STRBP: variants seen among roughly 807,000 people sequenced by gnomAD.
STRBP encodes the protein spermatid perinuclear RNA-binding protein.
STRBP carries 13 observed loss-of-function variants against 80.1 expected under a neutral mutation model. The observed-to-expected ratio is 0.16, with a 90% CI of 0.11 to 0.26. STRBP has a LOEUF of 0.26. Among genes scored for constraint, STRBP ranks in the 10% least tolerant of loss-of-function variants. STRBP has a pLI of 1.00. For synonymous variants in STRBP, 284 were observed against 291.2 expected (o/e 0.98, Z 0.25); for missense variants, 485 against 815.2 (o/e 0.59, Z 4.93).
At chr9:123,217,196 T>A (rs766656543) in intron 2 of STRBP, among the ~76,000 whole-genome samples, 4 of 152,202 alleles carry the variant, frequency 2.6e-5, no homozygotes, top group African/African-American at 9.6e-5. Flanking sequence ...GAGTTACTGA[T>A]ACTATCTTGT....
chr9:123,198,048 G>C (rs1360886762), intron 2 of STRBP, among the ~76,000 whole-genome samples: 1 of 151,988 alleles, frequency 6.6e-6, no homozygotes, highest in Non-Finnish European at 1.5e-5. Context: ...CATTTCCCTG[G>C]TGATTAGTGA....
At chr9:123,245,034 G>A (rs1223514190) in intron 1 of STRBP, among the ~76,000 whole-genome samples, 1 of 152,166 alleles carries the variant, frequency 6.6e-6, no homozygotes, top group Non-Finnish European at 1.5e-5. Context: ...ATTAGCCTGA[G>A]TGAAAAAGCC....
At chr9:123,222,077 AAAG>A (rs750403815) in intron 2 of STRBP, among the ~76,000 whole-genome samples, 23 of 152,104 alleles carry the variant, frequency 1.5e-4, no homozygotes, top group South Asian at 4.1e-4. Context: ...AATCTTCTGC[AAAG>A]AAGATTTCGC....
At chr9:123,211,001 A>G (rs12005528) in intron 2 of STRBP, among the ~76,000 whole-genome samples, 2,160 of 152,314 alleles carry the variant, frequency 0.014, 53 homozygotes, top group African/African-American at 0.049. Context: ...CCACAAATTG[A>G]AGTCCCATAA....
rs558358605 is a variant in STRBP at position 123,152,239 on chromosome 9, T to C, written c.1046-4369A>G. 1.5e-4 allele frequency among the ~76,000 whole-genome samples: 23 copies of C among 152,226 alleles called. 1 individual carries two copies. The highest frequency in any genetic ancestry group is 6.8e-3 in the Middle Eastern group (2 of 294). ...TAAAGAAAAACTAACATCAAATTTA[T>C]GCAAACTTTTCCAAACAATAGAAAA... On this transcript the variant is annotated intron_variant, in intron 11 of 18. Transcript: ENST00000348403.
intron 18 of STRBP, among the ~76,000 whole-genome samples, chr9:123,125,991 T>C (rs1588444118): frequency 1.3e-5 from 2 of 152,302 alleles, no homozygotes; most frequent in East Asian, 3.9e-4. Context: ...ACTGTAGAAA[T>C]CCATATTGGT....
At chr9:123,231,068 G>A (rs558283630) in intron 2 of STRBP, among the ~76,000 whole-genome samples, 1 of 152,278 alleles carries the variant, frequency 6.6e-6, no homozygotes, top group South Asian at 2.1e-4. Flanking sequence ...AAAATGCACA[G>A]GGAGCTTTTT....
intron 2 of STRBP, among the ~76,000 whole-genome samples, chr9:123,208,537 G>A (rs1588103981): frequency 6.6e-6 from 1 of 152,098 alleles, no homozygotes; most frequent in Non-Finnish European, 1.5e-5. Flanking sequence ...AGACTGGTGG[G>A]CCACACAGTC....
chr9:123,186,031 C>A (rs374211626), intron 2 of STRBP, among the ~76,000 whole-genome samples: 61 of 110,756 alleles, frequency 5.5e-4, no homozygotes, highest in African/African-American at 7.3e-4. Flanking sequence ...GACTCCGTCT[C>A]AAAAAAAAAA....
intron 12 of STRBP, 89 bp downstream of exon 12, chr9:123,147,677 CAAAAAAAAAAAA>C: frequency 2.7e-6 from 1 of 369,042 alleles, no homozygotes; most frequent in Non-Finnish European, 4.1e-6. Flanking sequence ...GAACCGATCT[CAAAAAAAAAAAA>C]AAAAAAAAAA....
chr9:123,206,288 G>A (rs2039511419), intron 2 of STRBP, among the ~76,000 whole-genome samples: 1 of 152,052 alleles, frequency 6.6e-6, no homozygotes, highest in South Asian at 2.1e-4. Flanking sequence ...TTTAAATACC[G>A]TAGATAAAGC....
intron 4 of STRBP, among the ~76,000 whole-genome samples, chr9:123,175,855 G>C (rs2038196191): frequency 6.6e-6 from 1 of 152,148 alleles, no homozygotes; most frequent in South Asian, 2.1e-4. Context: ...ATCTTCCAAA[G>C]GCGCTGATTG....
chr9:123,169,357 GA>G (rs1051163893), intron 6 of STRBP, among the ~76,000 whole-genome samples: 1 of 151,990 alleles, frequency 6.6e-6, no homozygotes, highest in African/African-American at 2.4e-5. Context: ...TTTCAGTAGA[GA>G]CGGGGTTTTG....
chr9:123,209,615 G>A (rs143190115), intron 2 of STRBP, among the ~76,000 whole-genome samples: 2 of 152,286 alleles, frequency 1.3e-5, no homozygotes, highest in East Asian at 3.9e-4. Flanking sequence ...AAGAGTATGG[G>A]GTGTATGTAT....
chr9:123,250,071 G>A (rs2040879811), intron 1 of STRBP, among the ~76,000 whole-genome samples: 1 of 152,210 alleles, frequency 6.6e-6, no homozygotes, highest in African/African-American at 2.4e-5. Context: ...AATGTTCACT[G>A]ATCTGGTTTC....
intron 2 of STRBP, among the ~76,000 whole-genome samples, chr9:123,197,233 A>G (rs542308155): frequency 6.6e-6 from 1 of 152,338 alleles, no homozygotes; most frequent in Non-Finnish European, 1.5e-5. Flanking sequence ...GATGGTTATC[A>G]GAGGCCGAGA....
At position 123,136,825 on chromosome 9, in the gene STRBP, T is replaced by C. The variant is rs2036374611; in HGVS notation, c.1498-310A>G. Among the ~76,000 whole-genome samples, 1 of 152,222 alleles carries C rather than the reference T, an allele frequency of 6.6e-6. No homozygotes were observed. Among genetic ancestry groups the C allele is most frequent in the African/African-American group, 2.4e-5 (1 of 41,444 alleles). ...AGTGTTCGTGATCTAAGAATAATAC[T>C]CTAAATTACTAATAACGAGAATAGA... is the stretch of plus-strand genomic sequence containing the variant. On this transcript the variant is annotated intron_variant, in intron 14 of 18. Coordinates refer to ENST00000348403, the MANE Select transcript of STRBP (RefSeq NM_018387.5). The surrounding 1 kb of genome is among the most constrained non-coding windows in gnomAD (Gnocchi z 4.2).
In STRBP at chr9:123,122,580, C is replaced by G; in HGVS notation, c.*3017G>C. ...TCCTTACTTCACCACCCATGCACTTCATCTAGTCAGCATGAGGTATGTTGG... is the reference window on the plus strand; with the variant it reads ...TCCTTACTTCACCACCCATGCACTTGATCTAGTCAGCATGAGGTATGTTGG... On this transcript the variant is annotated 3_prime_UTR_variant, in exon 19 of 19. Coordinates refer to ENST00000348403, the MANE Select transcript of STRBP (RefSeq NM_018387.5). 9.0e-7 allele frequency: 1 copy of G among 1,110,106 alleles called. No homozygotes were observed. 68.8% of individuals were successfully genotyped at this position (1,110,106 alleles called of 1,614,324 possible). A position where few individuals can be genotyped will look rare whatever the true frequency, so the allele number is the denominator to read the frequency against.
At chr9:123,263,420 G>C (rs1389396263) in intron 1 of STRBP, among the ~76,000 whole-genome samples, 1 of 148,544 alleles carries the variant, frequency 6.7e-6, no homozygotes, top group African/African-American at 2.5e-5. Flanking sequence ...AGCTACTCGA[G>C]ATGCTAAGGC....
Sources: gnomAD v4.1 joint callset for allele counts (sites outside exome capture counted in the v4.1 genomes callset) on GRCh38, gnomAD v4.1.1 for gene constraint, Gnocchi (gnomAD v3.1) non-coding constraint, MANE v1.5 for transcripts, NCBI Gene and HGNC (gene_info 2026-07-23, HGNC 2026-07-21) for gene names.